Variants in ADAMTS6 observed in about 807,000 individuals in gnomAD.
ADAMTS6 encodes A disintegrin and metalloproteinase with thrombospondin motifs 6.
A neutral mutation model predicts 144.3 loss-of-function variants in ADAMTS6; 23 were observed. The ratio of observed to expected loss-of-function variants is 0.16; its 90% CI spans 0.11 to 0.23. The LOEUF is 0.23. ADAMTS6 is among the 10% of genes least tolerant of loss of function. ADAMTS6 has a pLI of 1.00. For synonymous variants in ADAMTS6, 444 were observed against 457.5 expected, an observed-to-expected ratio of 0.97 and a Z score of 0.38; for missense variants, 999 against 1,379.6, an observed-to-expected ratio of 0.72 and a Z score of 4.37.
chr5:65,336,871 T>C (rs999328651), intron 7 of ADAMTS6, among the ~76,000 whole-genome samples: 2 of 152,050 alleles, frequency 1.3e-5, no homozygotes, highest in African/African-American at 4.8e-5. Context: ...GATTGATAAA[T>C]GGAAGGCATG....
chr5:65,334,022 A>AG lies in ADAMTS6; in HGVS notation c.1117+19_1117+20insC. 4 of 1,391,628 alleles carry AG rather than the reference A, an allele frequency of 2.9e-6. No individual in the cohort carries two copies. Among genetic ancestry groups the AG allele is most frequent in the Non-Finnish European group, 3.7e-6 (4 of 1,071,176 alleles). 86.2% of individuals were successfully genotyped at this position (1,391,628 alleles called of 1,614,324 possible). On this transcript the variant is annotated intron_variant, in intron 8 of 24. Transcript: ENST00000381055. ...TAAAAAAAAAAAAAAAAAAAAAAAA[A>AG]AAAACCAAAAAAAACTTACCCAGTG... is the stretch of plus-strand genomic sequence containing the variant.
chr5:65,434,108 A>T (rs888137598), intron 7 of ADAMTS6, among the ~76,000 whole-genome samples: 1 of 152,242 alleles, frequency 6.6e-6, no homozygotes, highest in African/African-American at 2.4e-5. Context: ...TACAACATGG[A>T]TGAACTTTGA....
At chr5:65,373,682 A>C (rs1179866870) in intron 7 of ADAMTS6, among the ~76,000 whole-genome samples, 1 of 152,340 alleles carries the variant, frequency 6.6e-6, no homozygotes, top group East Asian at 1.9e-4. Context: ...CAGAGGTACA[A>C]GGAGAAACTG....
At chr5:65,451,944 A>G (rs1445524286) in intron 6 of ADAMTS6, among the ~76,000 whole-genome samples, 189 bp downstream of exon 6, 7 of 152,234 alleles carry the variant, frequency 4.6e-5, no homozygotes, top group Admixed American at 4.6e-4. Context: ...TAGCTTTAAC[A>G]TAAAAGGTAT....
chr5:65,213,125 T>C (rs1374223825), intron 20 of ADAMTS6, among the ~76,000 whole-genome samples: 1 of 152,232 alleles, frequency 6.6e-6, no homozygotes, highest in Non-Finnish European at 1.5e-5. Context: ...TTTAAAAACT[T>C]TACATTACAA....
chr5:65,302,356 A>G (rs925892129), intron 9 of ADAMTS6, among the ~76,000 whole-genome samples: 3 of 146,134 alleles, frequency 2.1e-5, no homozygotes, highest in African/African-American at 5.0e-5. Flanking sequence ...TATGTGTATT[A>G]TATGTTATAT....
intron 1 of ADAMTS6, among the ~76,000 whole-genome samples, chr5:65,478,195 C>G (rs1206846954): frequency 1.3e-5 from 2 of 152,084 alleles, no homozygotes; most frequent in South Asian, 2.1e-4. Context: ...TCTAACTGCT[C>G]TTAGTCACCT....
chr5:65,321,164 C>T (rs1347500371), intron 9 of ADAMTS6, among the ~76,000 whole-genome samples: 1 of 152,226 alleles, frequency 6.6e-6, no homozygotes, highest in Non-Finnish European at 1.5e-5. Flanking sequence ...TACACTCTCA[C>T]CAACAGTGTA....
intron 14 of ADAMTS6, among the ~76,000 whole-genome samples, chr5:65,243,185 T>C (rs1162199732): frequency 6.6e-6 from 1 of 152,132 alleles, no homozygotes; most frequent in Non-Finnish European, 1.5e-5. Flanking sequence ...AAAAAGAATA[T>C]GTCACTAGAG....
chr5:65,471,680 C>T (rs902210904), intron 2 of ADAMTS6, among the ~76,000 whole-genome samples: 1 of 151,980 alleles, frequency 6.6e-6, no homozygotes, highest in African/African-American at 2.4e-5. Flanking sequence ...ATCACTTGAA[C>T]CTGGGAGGTG....
chr5:65,469,576 T>G (rs1210662809), intron 3 of ADAMTS6, among the ~76,000 whole-genome samples: 1 of 152,218 alleles, frequency 6.6e-6, no homozygotes, highest in Non-Finnish European at 1.5e-5. Context: ...GAGAAACTAG[T>G]AATGAGTATA....
At position 65,214,831 on chromosome 5, in the gene ADAMTS6, A is replaced by C; in HGVS notation, c.2538T>G (p.His846Gln). 1 of 1,614,166 alleles carries C rather than the reference A, an allele frequency of 6.2e-7. No individual in the cohort carries two copies. The highest frequency in any genetic ancestry group is 8.5e-7 in the Non-Finnish European group (1 of 1,180,016). The change falls in exon 20 of 25, where the codon CAT becomes CAG. Residue 846 changes from histidine to glutamine, a missense_variant. Physicochemically the swap from His to Gln is conservative, Grantham distance 24 (BLOSUM62 0). This residue lies in a region of ADAMTS6 where 619 missense variants were observed against 837.0 expected (regional missense o/e 0.74). Transcript: ENST00000381055. The surrounding 1 kb of genome is among the most constrained non-coding windows in gnomAD (Gnocchi z 4.6). ...TAGCTGAGCATTCTGACCAAGGCTG[A>C]TGATTCCATGTAAAGCCAACTTCAT... ...GDNEVGFTWN[H>Q]QPWSECSATC... is the part of the protein sequence containing the mutation.
chr5:65,471,029 G>T lies in ADAMTS6; in HGVS notation c.211C>A (p.Arg71=). Residue 71 remains arginine (R), a synonymous_variant, in exon 3 of 25, where the codon CGG becomes AGG. Coordinates refer to ENST00000381055, the MANE Select transcript of ADAMTS6 (RefSeq NM_197941.4). ...VKNDKHSRRR[R]SMDPIDPQQA... ...TGTGGATCAATAGGGTCCATACTCC[G>T]TCTTCTCCTTGAGTGTTTATCATTT... 6.2e-7 allele frequency: 1 copy of T among 1,612,218 alleles called. No homozygotes were observed. The highest frequency in any genetic ancestry group is 1.7e-4 in the Middle Eastern group (1 of 6,052).
chr5:65,471,209 A>G, intron 2 of ADAMTS6, 67 bp from the exon 3 acceptor site: 1 of 1,483,060 alleles, frequency 6.7e-7, no homozygotes, highest in South Asian at 1.3e-5. Flanking sequence ...TTAACGGAAC[A>G]AAGAAGCAGC....
intron 7 of ADAMTS6, among the ~76,000 whole-genome samples, chr5:65,399,712 T>C (rs1561503126): frequency 1.7e-5 from 2 of 115,972 alleles, no homozygotes; most frequent in Non-Finnish European, 3.7e-5. Flanking sequence ...TGAGCATATA[T>C]AGATACAGAT....
At chr5:65,474,332 A>T (rs1475774415) in intron 1 of ADAMTS6, among the ~76,000 whole-genome samples, 1 of 152,114 alleles carries the variant, frequency 6.6e-6, no homozygotes, top group African/African-American at 2.4e-5. Context: ...ATTCCATAAC[A>T]TGCCTTTTAA....
chr5:65,305,733 CACAGAG>C (rs1008789734), intron 9 of ADAMTS6, among the ~76,000 whole-genome samples: 33 of 152,102 alleles, frequency 2.2e-4, no homozygotes, highest in African/African-American at 8.0e-4. Flanking sequence ...GGAACACGAA[CACAGAG>C]ACAGAGAAAA....
intron 7 of ADAMTS6, among the ~76,000 whole-genome samples, chr5:65,414,234 A>G (rs1755305158): frequency 6.6e-6 from 1 of 152,204 alleles, no homozygotes; most frequent in Non-Finnish European, 1.5e-5. Context: ...CAAACCTAGT[A>G]TAAAAACACT....
intron 15 of ADAMTS6, among the ~76,000 whole-genome samples, chr5:65,239,895 G>A (rs1483668431): frequency 6.6e-6 from 1 of 152,184 alleles, no homozygotes; most frequent in African/African-American, 2.4e-5. Context: ...GACATTGTCG[G>A]TGAGAGTGAA....
Sources: gnomAD v4.1 joint callset for allele counts (sites outside exome capture counted in the v4.1 genomes callset) on GRCh38, gnomAD v4.1.1 for gene constraint, gnomAD v4.1.1 regional missense constraint, Gnocchi (gnomAD v3.1) non-coding constraint, MANE v1.5 for transcripts, NCBI Gene and HGNC (gene_info 2026-07-23, HGNC 2026-07-21) for gene names.